Variants in IMMP2L observed in about 807,000 individuals in gnomAD.
IMMP2L encodes mitochondrial inner membrane protease subunit 2.
In IMMP2L, 18 loss-of-function variants were observed where a neutral mutation model predicts 19.3. The ratio of observed to expected loss-of-function variants is 0.93; its 90% CI spans 0.64 to 1.38. The LOEUF (loss-of-function observed/expected upper bound fraction) is 1.38, where lower values mean the gene tolerates loss of function less well. Among genes scored for constraint, IMMP2L ranks in the 40% most tolerant of loss-of-function variants. The pLI is 0.00. For missense variants in IMMP2L, 233 were observed against 218.2 expected (o/e 1.07, Z -0.43); for synonymous variants, 76 against 73.0 (o/e 1.04, Z -0.21).
At chr7:110,693,282 G>A (rs1190904756) in intron 5 of IMMP2L, among the ~76,000 whole-genome samples, 2 of 152,074 alleles carry the variant, frequency 1.3e-5, no homozygotes, top group African/African-American at 4.8e-5. Flanking sequence ...TAGGAAAATC[G>A]CATCTGTCTC....
At chr7:111,232,476 G>C (rs1487449839) in intron 3 of IMMP2L, among the ~76,000 whole-genome samples, 1 of 151,368 alleles carries the variant, frequency 6.6e-6, no homozygotes, top group Non-Finnish European at 1.5e-5. Context: ...ACCACAGATG[G>C]ACTGCAAAGG....
intron 3 of IMMP2L, among the ~76,000 whole-genome samples, chr7:111,322,410 T>C (rs1046201505): frequency 6.6e-6 from 1 of 151,852 alleles, no homozygotes; most frequent in Non-Finnish European, 1.5e-5. Flanking sequence ...ATCAGCATAA[T>C]ATTATACTGA....
rs1227013257 is a variant in IMMP2L at position 111,421,267 on chromosome 7, C to CTTTTT, written c.239+65966_239+65970dup. On this transcript the variant is annotated intron_variant, in intron 3 of 5. Transcript: ENST00000405709. The stretch of plus-strand genomic sequence containing the variant: ...TTTTGATGGGGTTGTTTGTTTTTTT[C>CTTTTT]TTTTTTTTTTTTTTTTTTTTGAGAC... Among the ~76,000 whole-genome samples, 153 of 122,890 alleles carry CTTTTT rather than the reference C, an allele frequency of 1.2e-3. 1 individual carries two copies. Among genetic ancestry groups the CTTTTT allele is most frequent in the African/African-American group, 3.2e-3 (100 of 31,478 alleles). The allele number at this position is 122,890 out of a possible 152,430, so 80.6% of individuals were successfully genotyped here. A position where few individuals can be genotyped will look rare whatever the true frequency, so the allele number is the denominator to read the frequency against.
intron 3 of IMMP2L, among the ~76,000 whole-genome samples, chr7:111,351,720 TC>T (rs201691038): frequency 0.021 from 3,268 of 152,302 alleles, 121 homozygotes; most frequent in African/African-American, 0.074. Flanking sequence ...TACTTTGTTA[TC>T]TAATTACATG....
intron 5 of IMMP2L, among the ~76,000 whole-genome samples, chr7:110,869,449 T>C (rs986721792): frequency 5.3e-5 from 8 of 152,156 alleles, no homozygotes; most frequent in Non-Finnish European, 1.2e-4. Flanking sequence ...ATTACACACA[T>C]ACGTGCACTT....
At chr7:111,080,093 A>T (rs1468477992) in intron 3 of IMMP2L, among the ~76,000 whole-genome samples, 1 of 152,212 alleles carries the variant, frequency 6.6e-6, no homozygotes, top group Non-Finnish European at 1.5e-5. Flanking sequence ...ATGGACTAAG[A>T]CACAATTCCT....
intron 3 of IMMP2L, among the ~76,000 whole-genome samples, chr7:111,120,937 CAA>C (rs545042207): frequency 3.0e-5 from 4 of 131,924 alleles, no homozygotes; most frequent in Non-Finnish European, 1.7e-5. Context: ...CTCTAACAGG[CAA>C]AAAAAAAAAG....
intron 5 of IMMP2L, among the ~76,000 whole-genome samples, chr7:110,788,636 C>T (rs1800250285): frequency 3.3e-5 from 5 of 151,704 alleles, no homozygotes; most frequent in Admixed American, 2.6e-4. Flanking sequence ...GTTTATTTGA[C>T]ATCTCCACTT....
chr7:110,728,925 T>C lies in IMMP2L; in HGVS notation c.409-65204A>G, dbSNP rs1261298506. Among the ~76,000 whole-genome samples the C allele has an allele frequency of 2.0e-5, 3 of 152,084 alleles. No homozygotes were observed. Among genetic ancestry groups the C allele is most frequent in the Non-Finnish European group, 4.4e-5 (3 of 68,020 alleles). On this transcript the variant is annotated intron_variant, in intron 5 of 5. Coordinates refer to ENST00000405709, the MANE Select transcript of IMMP2L (RefSeq NM_032549.4). This position sits in a 1 kb window ranked among gnomAD's most constrained non-coding sequence, Gnocchi z 4.6. Reference sequence around the variant, plus strand: ...GTCTGTTTTGTTTTGTTTTGTTTTGTTTTCACCCAGGCTGGACTGCAATGG... The same window carrying C: ...GTCTGTTTTGTTTTGTTTTGTTTTGCTTTCACCCAGGCTGGACTGCAATGG...
At chr7:111,063,965 A>G (rs546453091) in intron 3 of IMMP2L, among the ~76,000 whole-genome samples, 1 of 152,290 alleles carries the variant, frequency 6.6e-6, no homozygotes, top group East Asian at 1.9e-4. Flanking sequence ...CTTGTTACCC[A>G]GTTCCAAAGT....
At chr7:110,799,033 T>C (rs1389521192) in intron 5 of IMMP2L, among the ~76,000 whole-genome samples, 1 of 151,966 alleles carries the variant, frequency 6.6e-6, no homozygotes, top group East Asian at 1.9e-4. Flanking sequence ...TCAGTTAAGC[T>C]TGTTGTTTTC....
Position 110,727,970 on chromosome 7 carries a change from T to C in IMMP2L, c.409-64249A>G, listed in dbSNP as rs188503049. Among the ~76,000 whole-genome samples the C allele has an allele frequency of 2.6e-5, 4 of 152,346 alleles. No individual in the cohort carries two copies. In the East Asian group the frequency reaches 7.7e-4, roughly 29 times the overall value. On this transcript the variant is annotated intron_variant, in intron 5 of 5. Transcript: ENST00000405709. This position sits in a 1 kb window ranked among gnomAD's most constrained non-coding sequence, Gnocchi z 4.3. ...ACACACATGTAATTCTGCTCACTTC[T>C]GTTAACATTGTAAAAGGCAGCACAG...
At chr7:110,713,261 G>C (rs74818800) in intron 5 of IMMP2L, among the ~76,000 whole-genome samples, 12,104 of 152,120 alleles carry the variant, frequency 0.08, 516 homozygotes, top group Middle Eastern at 0.14. Context: ...CTGTTCCATT[G>C]GTCTACATGT....
intron 5 of IMMP2L, among the ~76,000 whole-genome samples, chr7:110,880,552 G>A (rs957947909): frequency 6.6e-6 from 1 of 151,882 alleles, no homozygotes; most frequent in African/African-American, 2.4e-5. Flanking sequence ...CTCAAACTTT[G>A]AATCTCAATA....
In IMMP2L at chr7:111,348,453, TCATGTTTTCTTAAAAAGACTGAGC is replaced by T. The variant is rs1038929262; in HGVS notation, c.239+138761_239+138784del. 3.3e-4 allele frequency among the ~76,000 whole-genome samples: 51 copies of T among 152,248 alleles called. 2 individuals carry two copies. Among genetic ancestry groups the T allele is most frequent in the South Asian group, 6.2e-4 (3 of 4,820 alleles). On this transcript the variant is annotated intron_variant, in intron 3 of 5. Coordinates refer to ENST00000405709, the MANE Select transcript of IMMP2L (RefSeq NM_032549.4). Reference sequence around the variant, plus strand: ...CCACTCCCTAAAACACAGTAGATGTTCATGTTTTCTTAAAAAGACTGAGCCAGTTTTCGGTCCATCTAACTATAC... The same window carrying T: ...CCACTCCCTAAAACACAGTAGATGTTCAGTTTTCGGTCCATCTAACTATAC...
intron 5 of IMMP2L, among the ~76,000 whole-genome samples, chr7:110,703,508 G>C (rs1584551744): frequency 6.6e-6 from 1 of 152,102 alleles, no homozygotes; most frequent in South Asian, 2.1e-4. Context: ...TCATCTCTCA[G>C]AGATAATTCC....
chr7:111,093,924 A>G (rs1797133101), intron 3 of IMMP2L, among the ~76,000 whole-genome samples: 1 of 152,116 alleles, frequency 6.6e-6, no homozygotes. Context: ...AATGCTGATG[A>G]GTAGGTGGAA....
intron 5 of IMMP2L, among the ~76,000 whole-genome samples, chr7:110,885,581 G>C (rs1810138346): frequency 6.6e-6 from 1 of 151,940 alleles, no homozygotes; most frequent in Non-Finnish European, 1.5e-5. Flanking sequence ...CAATTCTATG[G>C]AGTACAAGCA....
At chr7:110,751,430 T>C (rs1209337657) in intron 5 of IMMP2L, among the ~76,000 whole-genome samples, 1 of 151,996 alleles carries the variant, frequency 6.6e-6, no homozygotes, top group Non-Finnish European at 1.5e-5. Context: ...AACAATCTTT[T>C]AGAAAGCCAA....
Sources: allele counts gnomAD v4.1 joint callset (sites outside exome capture counted in the v4.1 genomes callset), GRCh38; gene constraint gnomAD v4.1.1; non-coding constraint Gnocchi (gnomAD v3.1); transcripts MANE v1.5; gene names NCBI Gene and HGNC (gene_info 2026-07-23, HGNC 2026-07-21).